ZNF131: variants seen among roughly 807,000 people sequenced by gnomAD.
ZNF131 encodes zinc finger and BTB domain containing 35.
In ZNF131, 7 loss-of-function variants were observed where a neutral mutation model predicts 60.0. The observed-to-expected ratio is 0.12, with a 90% CI of 0.07 to 0.22. The LOEUF (loss-of-function observed/expected upper bound fraction) is 0.22, where lower values mean the gene tolerates loss of function less well. ZNF131 is among the 10% of genes least tolerant of loss of function. The pLI, the probability that ZNF131 is intolerant of heterozygous loss-of-function variation, is 1.00. For missense variants in ZNF131, 493 were observed against 740.9 expected, an observed-to-expected ratio of 0.67 and a Z score of 3.88; for synonymous variants, 257 against 253.2, an observed-to-expected ratio of 1.01 and a Z score of -0.14.
At chr5:43,157,124 AC>A (rs1449967026) in intron 4 of ZNF131, among the ~76,000 whole-genome samples, 14 of 152,146 alleles carry the variant, frequency 9.2e-5, no homozygotes, top group African/African-American at 3.4e-4. Context: ...TGTCTCAAAG[AC>A]ATCTCTCAAA....
At chr5:43,128,589 G>A (rs924326837) in intron 3 of ZNF131, among the ~76,000 whole-genome samples, 2 of 148,814 alleles carry the variant, frequency 1.3e-5, no homozygotes, top group Admixed American at 6.9e-5. Flanking sequence ...CCTGGGAGGC[G>A]GAGCTTGCAG....
chr5:43,155,732 G>A (rs968439025), intron 4 of ZNF131, among the ~76,000 whole-genome samples: 12 of 152,172 alleles, frequency 7.9e-5, no homozygotes, highest in African/African-American at 2.7e-4. Context: ...CTTTATTTTT[G>A]TTGGGAGGAG....
chr5:43,122,466 T>C (rs895635946), intron 2 of ZNF131, among the ~76,000 whole-genome samples: 4 of 152,178 alleles, frequency 2.6e-5, no homozygotes, highest in Non-Finnish European at 5.9e-5. Context: ...TGGGGACAGA[T>C]TGTCTCAAAA....
intron 4 of ZNF131, among the ~76,000 whole-genome samples, chr5:43,145,919 A>G (rs1579801026): frequency 2.0e-5 from 3 of 152,296 alleles, no homozygotes; most frequent in Middle Eastern, 6.8e-3. Flanking sequence ...CGATTATACC[A>G]TGAGTTGATC....
intron 5 of ZNF131, 82 bp downstream of exon 5, chr5:43,162,013 A>T: frequency 7.5e-7 from 1 of 1,334,104 alleles, no homozygotes; most frequent in East Asian, 2.5e-5. Context: ...TTAAAAAAAT[A>T]GTGCCTCAGA....
chr5:43,159,685 T>G lies in ZNF131; in HGVS notation c.372-1564T>G, dbSNP rs554428820. ...ACTCCAGCCTGGGCCACAAGAGAGA[T>G]ACTCTGTCTCAAAAAAAAAAAAAAA... On this transcript the variant is annotated intron_variant, in intron 4 of 6. Coordinates refer to ENST00000682664, the MANE Select transcript of ZNF131 (RefSeq NM_001330707.2). 9.1e-5 allele frequency among the ~76,000 whole-genome samples: 12 copies of G among 131,620 alleles called. No individual in the cohort carries two copies. The East Asian group carries it at 2.2e-3, about 24-fold the overall frequency. The allele number at this position is 131,620 out of a possible 152,430, so 86.3% of individuals were successfully genotyped here.
chr5:43,153,352 C>T (rs373777365), intron 4 of ZNF131, among the ~76,000 whole-genome samples: 4 of 147,314 alleles, frequency 2.7e-5, no homozygotes, highest in South Asian at 2.2e-4. Context: ...GGGCCAGGCG[C>T]GGTGGTTAAC....
rs780291701 is a variant in ZNF131, at chr5:43,174,640, G to C, written c.1379G>C (p.Arg460Pro). 2 of 1,614,070 alleles carry C rather than the reference G, an allele frequency of 1.2e-6. No individual in the cohort carries two copies. The highest frequency in any genetic ancestry group is 2.7e-5 in the African/African-American group (2 of 74,922). The part of the protein sequence containing the change: ...VTEEVLSVET[R>P]VQTEPVTSMT... ...GAAGAAGTTCTTTCAGTAGAAACAC[G>C]TGTGCAAACTGAACCTGTAACATCA... Residue 460 changes from arginine (R) to proline (P), a missense_variant, in exon 7 of 7, where the codon CGT becomes CCT. By Grantham distance (103) the Arg-to-Pro change is moderately radical (BLOSUM62 -2). This residue lies in a region of ZNF131 where 202 missense variants were observed against 221.3 expected (regional missense o/e 0.91). Transcript: ENST00000682664.
intron 4 of ZNF131, among the ~76,000 whole-genome samples, chr5:43,142,745 G>T (rs1747021772): frequency 1.3e-5 from 2 of 150,858 alleles, no homozygotes; most frequent in Admixed American, 1.3e-4. Context: ...AGGCTGGAGT[G>T]CAGTGGCACA....
At chr5:43,124,373 T>C (rs1372396532) in intron 3 of ZNF131, 1 of 152,182 alleles carries the variant, frequency 6.6e-6, no homozygotes, top group Non-Finnish European at 1.5e-5. Context: ...ATCTATTTCA[T>C]TGTGTACGTA....
intron 4 of ZNF131, among the ~76,000 whole-genome samples, chr5:43,140,242 C>T (rs1355291847): frequency 1.3e-5 from 2 of 152,052 alleles, no homozygotes; most frequent in South Asian, 2.1e-4. Flanking sequence ...AAAGAGAAAA[C>T]GTGAAAGGAT....
chr5:43,148,043 C>CTTT (rs55979930), intron 4 of ZNF131, among the ~76,000 whole-genome samples: 1 of 123,782 alleles, frequency 8.1e-6, no homozygotes, highest in Non-Finnish European at 1.7e-5. Context: ...GACAAGAGTG[C>CTTT]TTTTTTTTTT....
intron 5 of ZNF131, among the ~76,000 whole-genome samples, chr5:43,168,298 A>G (rs1219178048): frequency 6.6e-6 from 1 of 152,264 alleles, no homozygotes; most frequent in African/African-American, 2.4e-5. Flanking sequence ...TTGATGACTC[A>G]GAAAGGAAAA....
At chr5:43,142,537 C>G (rs559812791) in intron 4 of ZNF131, among the ~76,000 whole-genome samples, 4 of 151,958 alleles carry the variant, frequency 2.6e-5, no homozygotes, top group African/African-American at 9.6e-5. Flanking sequence ...ACCTCCTGAC[C>G]TCGTGATCCA....
At chr5:43,134,449 A>G (rs1042868807) in intron 3 of ZNF131, among the ~76,000 whole-genome samples, 4 of 152,176 alleles carry the variant, frequency 2.6e-5, no homozygotes, top group Non-Finnish European at 5.9e-5. Flanking sequence ...ATCAAGGAAC[A>G]AGACAAGGAT....
intron 5 of ZNF131, among the ~76,000 whole-genome samples, chr5:43,163,243 G>A (rs1006411645): frequency 3.3e-5 from 5 of 152,058 alleles, no homozygotes; most frequent in African/African-American, 4.8e-5. Context: ...CTCCCAAAGT[G>A]CTGGGATTAC....
Position 43,175,485 on chromosome 5 carries a change from T to G in ZNF131, c.*352T>G. Reference sequence around the variant, plus strand: ...TGTTCTTCCTCAAATTTTTTCCATATTGTAAAATCAAACTTAAATCATTAG... The same window carrying G: ...TGTTCTTCCTCAAATTTTTTCCATAGTGTAAAATCAAACTTAAATCATTAG... On this transcript the variant is annotated 3_prime_UTR_variant, in exon 7 of 7. Coordinates refer to ENST00000682664, the MANE Select transcript of ZNF131 (RefSeq NM_001330707.2). The G allele has an allele frequency of 5.7e-6, 4 of 699,216 alleles. No homozygotes were observed. In the South Asian group the frequency reaches 6.0e-5, roughly 11 times the overall value. The allele number at this position is 699,216 out of a possible 1,614,324, so 43.3% of individuals were successfully genotyped here. A position where few individuals can be genotyped will look rare whatever the true frequency, so the allele number is the denominator to read the frequency against.
intron 4 of ZNF131, among the ~76,000 whole-genome samples, chr5:43,156,542 G>T (rs550610970): frequency 2.0e-5 from 3 of 152,292 alleles, no homozygotes; most frequent in South Asian, 4.1e-4. Context: ...GCTGCACGTG[G>T]CTTGACTAAA....
At chr5:43,134,149 T>A (rs1263851021) in intron 3 of ZNF131, among the ~76,000 whole-genome samples, 1 of 152,196 alleles carries the variant, frequency 6.6e-6, no homozygotes, top group African/African-American at 2.4e-5. Flanking sequence ...AGACTGATTC[T>A]AACAGCAAGG....
Sources: gnomAD v4.1 joint callset for allele counts (sites outside exome capture counted in the v4.1 genomes callset) on GRCh38, gnomAD v4.1.1 for gene constraint, gnomAD v4.1.1 regional missense constraint, MANE v1.5 for transcripts, NCBI Gene and HGNC (gene_info 2026-07-23, HGNC 2026-07-21) for gene names.